CPE: variants seen among roughly 807,000 people sequenced by gnomAD.
The protein encoded by CPE is carbocypeptidase E.
CPE carries 17 observed loss-of-function variants against 53.5 expected under a neutral mutation model. The ratio of observed to expected loss-of-function variants is 0.32; its 90% CI spans 0.22 to 0.48. The LOEUF (loss-of-function observed/expected upper bound fraction) is 0.48. Ranked by LOEUF, CPE falls within the 20% of genes least tolerant of loss-of-function variation. The pLI is 0.99. For missense variants in CPE, 524 were observed against 614.7 expected (o/e 0.85, Z 1.56); for synonymous variants, 226 against 228.8 (o/e 0.99, Z 0.11).
At chr4:165,398,971 C>G (rs867614447) in intron 1 of CPE, among the ~76,000 whole-genome samples, 1 of 152,154 alleles carries the variant, frequency 6.6e-6, no homozygotes, top group African/African-American at 2.4e-5. Flanking sequence ...AAATCACAAC[C>G]TATTATAACC....
At chr4:165,414,010 A>G (rs1215676771) in intron 1 of CPE, among the ~76,000 whole-genome samples, 1 of 152,242 alleles carries the variant, frequency 6.6e-6, no homozygotes, top group Admixed American at 6.5e-5. Context: ...TGAAACATTT[A>G]TTGAGCTCGC....
chr4:165,494,319 T>G (rs1291608134), intron 7 of CPE, among the ~76,000 whole-genome samples: 4 of 152,224 alleles, frequency 2.6e-5, no homozygotes, highest in African/African-American at 9.6e-5. Flanking sequence ...GTGAAATGTT[T>G]AGGAAAATCT....
intron 1 of CPE, among the ~76,000 whole-genome samples, chr4:165,425,089 G>A (rs539022748): frequency 3.9e-5 from 6 of 151,916 alleles, no homozygotes; most frequent in Non-Finnish European, 8.8e-5. Flanking sequence ...TGTTGGTCAG[G>A]GTGGTCTGGA....
At chr4:165,476,468 A>G (rs542610312) in intron 3 of CPE, among the ~76,000 whole-genome samples, 1 of 149,272 alleles carries the variant, frequency 6.7e-6, no homozygotes, top group Non-Finnish European at 1.5e-5. Flanking sequence ...GAGGAAGGTC[A>G]TATACCAGTT....
intron 1 of CPE, among the ~76,000 whole-genome samples, chr4:165,432,505 A>G (rs1731431197): frequency 6.6e-6 from 1 of 152,120 alleles, no homozygotes; most frequent in South Asian, 2.1e-4. Context: ...ACTATTGCCC[A>G]GGCTGGTTTC....
At chr4:165,428,914 T>A (rs960104900) in intron 1 of CPE, among the ~76,000 whole-genome samples, 3 of 152,208 alleles carry the variant, frequency 2.0e-5, no homozygotes, top group African/African-American at 7.2e-5. Context: ...GATTCTATTG[T>A]TTCTGCCATA....
rs1483770217 is a variant in CPE at position 165,379,601 on chromosome 4, T to G, written c.307+73T>G. 9.4e-4 allele frequency: 241 copies of G among 256,208 alleles called. No individual in the cohort carries two copies. The highest frequency in any genetic ancestry group is 1.7e-3 in the South Asian group (34 of 19,946). The allele number at this position is 256,208 out of a possible 1,614,324, so 15.9% of individuals were successfully genotyped here. A position where few individuals can be genotyped will look rare whatever the true frequency, so the allele number is the denominator to read the frequency against. On this transcript the variant is annotated intron_variant, in intron 1 of 8. Coordinates refer to ENST00000402744, the MANE Select transcript of CPE (RefSeq NM_001873.4). This position sits in a 1 kb window ranked among gnomAD's most constrained non-coding sequence, Gnocchi z 6.0. ...CGGCAGAGGGTGGGACTGGTGGCGG[T>G]GGGGGAAGGAGGGAGGGATGGGCCC...
At chr4:165,482,462 G>T in intron 4 of CPE, 103 bp downstream of exon 4, 1 of 779,662 alleles carries the variant, frequency 1.3e-6, no homozygotes, top group Non-Finnish European at 2.1e-6. Context: ...TGAACATTAA[G>T]TGATTTTTGC....
At chr4:165,465,661 T>C (rs964657868) in intron 2 of CPE, among the ~76,000 whole-genome samples, 1 of 152,096 alleles carries the variant, frequency 6.6e-6, no homozygotes, top group African/African-American at 2.4e-5. Flanking sequence ...GTTTTCCAGA[T>C]TGTACCATTA....
At chr4:165,418,292 G>A (rs957278232) in intron 1 of CPE, 3 of 152,308 alleles carry the variant, frequency 2.0e-5, no homozygotes, top group Admixed American at 1.3e-4. Flanking sequence ...CCAGAAGGTG[G>A]TGAGAAAAAT....
At chr4:165,493,404 C>A in intron 7 of CPE, 134 bp downstream of exon 7, 1 of 632,816 alleles carries the variant, frequency 1.6e-6, no homozygotes, top group Non-Finnish European at 2.6e-6. Context: ...CAGCTTTGAT[C>A]TGGTGAAGTT....
At chr4:165,492,409 T>C (rs1461422517) in intron 6 of CPE, among the ~76,000 whole-genome samples, 4 of 152,194 alleles carry the variant, frequency 2.6e-5, no homozygotes, top group Admixed American at 6.5e-5. Context: ...GAGTAAGTTA[T>C]GAAATGCACT....
chr4:165,453,307 T>TTTTCCTTCCTTCCTTCCTTCCTTC (rs1731845040), intron 1 of CPE, among the ~76,000 whole-genome samples: 1 of 150,962 alleles, frequency 6.6e-6, no homozygotes, highest in African/African-American at 2.5e-5. Flanking sequence ...TTTTCTTTCT[T>TTTTCCTTCCTTCCTTCCTTCCTTC]TTTCCTTCCT....
intron 1 of CPE, among the ~76,000 whole-genome samples, chr4:165,441,153 C>G (rs139770314): frequency 0.01 from 1,586 of 152,240 alleles, 22 homozygotes; most frequent in African/African-American, 0.036. Context: ...CCATTTATGA[C>G]TGTTTCCCTG....
intron 1 of CPE, chr4:165,386,288 T>C: frequency 3.9e-6 from 2 of 510,060 alleles, no homozygotes; most frequent in South Asian, 3.0e-5. Flanking sequence ...AAGAAGCTCC[T>C]ATAGCTCCTG....
intron 1 of CPE, among the ~76,000 whole-genome samples, chr4:165,387,278 G>A (rs1227872117): frequency 6.6e-6 from 1 of 152,156 alleles, no homozygotes; most frequent in African/African-American, 2.4e-5. Flanking sequence ...TGGCTGTTAA[G>A]CAAAGATAAA....
intron 1 of CPE, among the ~76,000 whole-genome samples, chr4:165,426,671 T>C: frequency 6.6e-6 from 1 of 152,046 alleles, no homozygotes; most frequent in East Asian, 1.9e-4. Flanking sequence ...TATTTCTGGA[T>C]TAAAGAAATA....
chr4:165,454,901 G>A (rs993170897), intron 1 of CPE, among the ~76,000 whole-genome samples: 1 of 152,200 alleles, frequency 6.6e-6, no homozygotes, highest in South Asian at 2.1e-4. Context: ...ATCAGGGGAT[G>A]TTTAAGAGGT....
chr4:165,466,781 G>C (rs1732112965), intron 2 of CPE, among the ~76,000 whole-genome samples: 2 of 152,126 alleles, frequency 1.3e-5, no homozygotes, highest in Admixed American at 1.3e-4. Flanking sequence ...CTCTCAAAGT[G>C]CTGGGATTAC....
Sources: gnomAD v4.1 joint callset for allele counts (sites outside exome capture counted in the v4.1 genomes callset) on GRCh38, gnomAD v4.1.1 for gene constraint, Gnocchi (gnomAD v3.1) non-coding constraint, MANE v1.5 for transcripts, NCBI Gene and HGNC (gene_info 2026-07-23, HGNC 2026-07-21) for gene names.